GRIP1: variants seen among roughly 807,000 people sequenced by gnomAD.
GRIP1 encodes the protein glutamate receptor-interacting protein 1.
GRIP1 carries 45 observed loss-of-function variants against 129.9 expected under a neutral mutation model. That is an observed-to-expected ratio of 0.35 (90% CI 0.27 to 0.44). The LOEUF is 0.44. Among genes scored for constraint, GRIP1 ranks in the 20% least tolerant of loss-of-function variants. The pLI, the probability that GRIP1 is intolerant of heterozygous loss-of-function variation, is 1.00. For missense variants in GRIP1, 1,196 were observed against 1,396.8 expected, an observed-to-expected ratio of 0.86 and a Z score of 2.29; for synonymous variants, 530 against 520.8, an observed-to-expected ratio of 1.02 and a Z score of -0.24.
Position 66,377,270 on chromosome 12 carries a change from G to T in GRIP1, c.2637C>A (p.Ala879=), listed in dbSNP as rs760879985. 7.5e-6 allele frequency: 12 copies of T among 1,610,408 alleles called. No individual in the cohort carries two copies. In the South Asian group the frequency reaches 1.3e-4, roughly 18 times the overall value. The part of the protein sequence containing the change: ...RSTASGFAGA[A]DSAETEQEEN... ...CCTCTTGTTCTGTCTCTGCACTATCGGCAGCCCCTGCAAAACTGTTGTCAA... is the reference window on the plus strand; with the variant it reads ...CCTCTTGTTCTGTCTCTGCACTATCTGCAGCCCCTGCAAAACTGTTGTCAA... The change falls in exon 21 of 25, where the codon GCC becomes GCA. Residue 879 remains alanine (A), a synonymous_variant. Transcript: ENST00000359742.
intron 1 of GRIP1, among the ~76,000 whole-genome samples, chr12:66,831,962 C>T (rs2039526990): frequency 6.6e-6 from 1 of 152,156 alleles, no homozygotes; most frequent in African/African-American, 2.4e-5. Context: ...ATAGATTTGA[C>T]TTATAAGTTA....
intron 1 of GRIP1, among the ~76,000 whole-genome samples, chr12:66,994,305 G>A (rs1295486718): frequency 6.6e-6 from 1 of 151,698 alleles, no homozygotes; most frequent in Non-Finnish European, 1.5e-5. Flanking sequence ...TGACCAAGGG[G>A]AATTTATCAT....
chr12:66,977,239 T>G (rs1265908623), intron 1 of GRIP1, among the ~76,000 whole-genome samples: 3 of 151,364 alleles, frequency 2.0e-5, no homozygotes, highest in African/African-American at 7.3e-5. Context: ...GCATTTCTTT[T>G]TTTTCTTTTT....
chr12:67,068,605 G>A (rs966203777), intron 1 of GRIP1, among the ~76,000 whole-genome samples: 1 of 152,016 alleles, frequency 6.6e-6, no homozygotes, highest in Non-Finnish European at 1.5e-5. Context: ...CAGAGGCGGG[G>A]ACAACGCGAG....
chr12:66,415,814 C>T (rs1163904865), intron 15 of GRIP1, among the ~76,000 whole-genome samples: 1 of 152,132 alleles, frequency 6.6e-6, no homozygotes, highest in Non-Finnish European at 1.5e-5. Context: ...CAAACTAACA[C>T]AGAAACAGAA....
At chr12:66,375,975 A>G (rs998655991) in intron 22 of GRIP1, among the ~76,000 whole-genome samples, 1 of 152,224 alleles carries the variant, frequency 6.6e-6, no homozygotes, top group Non-Finnish European at 1.5e-5. Context: ...TTTCTTCATC[A>G]TTCTACATGC....
chr12:66,879,743 G>A (rs1329668717), intron 1 of GRIP1, among the ~76,000 whole-genome samples: 2 of 152,062 alleles, frequency 1.3e-5, no homozygotes, highest in Non-Finnish European at 2.9e-5. Flanking sequence ...AACTTGCAGT[G>A]CATATTTTTT....
At chr12:67,068,720 C>T (rs1452189891) in intron 1 of GRIP1, among the ~76,000 whole-genome samples, 1 of 149,726 alleles carries the variant, frequency 6.7e-6, no homozygotes, top group Non-Finnish European at 1.5e-5. Flanking sequence ...CACAGACGGC[C>T]GCTCGGAGCT....
intron 1 of GRIP1, among the ~76,000 whole-genome samples, chr12:66,875,585 G>A (rs1405183637): frequency 6.6e-6 from 1 of 152,004 alleles, no homozygotes; most frequent in South Asian, 2.1e-4. Flanking sequence ...CCAGAATTTT[G>A]CTTGTATGTA....
At chr12:67,003,615 C>T (rs1201897554) in intron 1 of GRIP1, among the ~76,000 whole-genome samples, 1 of 152,020 alleles carries the variant, frequency 6.6e-6, no homozygotes, top group Non-Finnish European at 1.5e-5. Context: ...ATTGCTTGAA[C>T]CCAGGAGGCG....
intron 1 of GRIP1, among the ~76,000 whole-genome samples, chr12:66,699,367 AG>A (rs1385167109): frequency 6.6e-6 from 1 of 152,180 alleles, no homozygotes; most frequent in Admixed American, 6.5e-5. Context: ...CTTGAATTGT[AG>A]CTCCCATAAT....
rs2061382591 is a variant in GRIP1 at position 66,529,773 on chromosome 12, T to A, written c.502+58A>T. ...AACCAAATACCCAAATACCACCTGT[T>A]CTCTGAAAACCTATGGAAATATTTT... On this transcript the variant is annotated intron_variant, in intron 5 of 24. Transcript: ENST00000359742. The A allele has an allele frequency of 1.8e-5, 17 of 948,454 alleles. No individual in the cohort carries two copies. In the South Asian group the frequency reaches 2.2e-4, roughly 12 times the overall value. 58.8% of individuals were successfully genotyped at this position (948,454 alleles called of 1,614,324 possible).
chr12:66,924,856 G>C (rs1316351690), intron 1 of GRIP1, among the ~76,000 whole-genome samples: 1 of 152,170 alleles, frequency 6.6e-6, no homozygotes, highest in African/African-American at 2.4e-5. Flanking sequence ...TGTAGTCCCA[G>C]CTACTCGGGA....
At chr12:66,796,501 C>A (rs1248926305) in intron 1 of GRIP1, among the ~76,000 whole-genome samples, 1 of 152,142 alleles carries the variant, frequency 6.6e-6, no homozygotes, top group Non-Finnish European at 1.5e-5. Context: ...ATCCCAACAT[C>A]CTGTTCTCCA....
At chr12:66,834,584 A>AT (rs1261184708) in intron 1 of GRIP1, among the ~76,000 whole-genome samples, 1 of 152,130 alleles carries the variant, frequency 6.6e-6, no homozygotes, top group Admixed American at 6.5e-5. Flanking sequence ...ATATGTTATC[A>AT]TTTTCGTATG....
At chr12:66,642,716 T>C (rs1170598887) in intron 1 of GRIP1, among the ~76,000 whole-genome samples, 1 of 152,138 alleles carries the variant, frequency 6.6e-6, no homozygotes, top group Non-Finnish European at 1.5e-5. Context: ...GATTCTAAAA[T>C]CCATTTGGAA....
intron 2 of GRIP1, among the ~76,000 whole-genome samples, chr12:66,580,969 C>A (rs201525681): frequency 0.23 from 34,533 of 151,874 alleles, 4,187 homozygotes; most frequent in Admixed American, 0.27. Context: ...TTTTCAGCAC[C>A]ACACCACAGC....
At chr12:67,001,900 G>A (rs903719083) in intron 1 of GRIP1, among the ~76,000 whole-genome samples, 3 of 152,016 alleles carry the variant, frequency 2.0e-5, no homozygotes, top group African/African-American at 7.2e-5. Flanking sequence ...ACACCTGACA[G>A]GTCCCAACCT....
intron 1 of GRIP1, among the ~76,000 whole-genome samples, chr12:67,013,233 T>C (rs1350643665): frequency 6.6e-6 from 1 of 152,152 alleles, no homozygotes; most frequent in East Asian, 1.9e-4. Flanking sequence ...AAATAGGCAA[T>C]TTTTATTTCA....
Sources: allele counts gnomAD v4.1 joint callset (sites outside exome capture counted in the v4.1 genomes callset), GRCh38; gene constraint gnomAD v4.1.1; transcripts MANE v1.5; gene names NCBI Gene and HGNC (gene_info 2026-07-23, HGNC 2026-07-21).